Variants in LRTM3 observed in about 807,000 individuals in gnomAD.
LRTM3 encodes the protein leucine rich repeat transmembrane protein 3.
At chr13:102,734,875 G>A in the LRTM3 span, 699 of 1,551,014 alleles carry the variant, frequency 4.5e-4, 5 homozygotes, top group African/African-American at 7.4e-3. Context: ...CTATTTGCAC[G>A]TCATCCTCTT....
chr13:102,750,904 T>A, the LRTM3 span, among the ~76,000 whole-genome samples: 1 of 152,318 alleles, frequency 6.6e-6, no homozygotes, highest in East Asian at 1.9e-4. Context: ...GTACTGATCA[T>A]GGATGATGTG....
the LRTM3 span, chr13:102,733,034 A>G: frequency 1.0e-5 from 16 of 1,551,184 alleles, no homozygotes; most frequent in Non-Finnish European, 8.7e-6. Context: ...TGTCATATCC[A>G]TGTGTATTCC....
the LRTM3 span, chr13:102,742,529 G>T: frequency 6.4e-7 from 1 of 1,550,544 alleles, no homozygotes; most frequent in Non-Finnish European, 8.7e-7. Context: ...GAAAAAAACA[G>T]ATTCTGGATT....
the LRTM3 span, chr13:102,733,882 A>G: frequency 6.4e-7 from 1 of 1,551,260 alleles, no homozygotes; most frequent in Non-Finnish European, 8.7e-7. Flanking sequence ...CGTTTTTATC[A>G]ACGCCTTCAA....
At chr13:102,731,144 T>C in the LRTM3 span, 3 of 1,551,318 alleles carry the variant, frequency 1.9e-6, no homozygotes, top group African/African-American at 4.1e-5. Context: ...ATTTTCTAGC[T>C]TATTAATACT....
chr13:102,737,471 G>T, the LRTM3 span: 1 of 1,550,422 alleles, frequency 6.4e-7, no homozygotes, highest in Non-Finnish European at 8.7e-7. Flanking sequence ...TACTCCATCT[G>T]CTTGCTGTTG....
chr13:102,744,159 G>A, the LRTM3 span: 3 of 1,550,324 alleles, frequency 1.9e-6, no homozygotes, highest in Non-Finnish European at 2.6e-6. Flanking sequence ...TTCTTTCTGT[G>A]GTTTTCTGTA....
the LRTM3 span, among the ~76,000 whole-genome samples, chr13:102,753,102 A>C: frequency 6.6e-6 from 1 of 152,234 alleles, no homozygotes; most frequent in African/African-American, 2.4e-5. Flanking sequence ...CTGGATAAAG[A>C]AAATGTGGCA....
At chr13:102,749,393 TCA>T in the LRTM3 span, 1 of 1,551,412 alleles carries the variant, frequency 6.4e-7, no homozygotes, top group Admixed American at 2.0e-5. Context: ...TGGCATATCT[TCA>T]GTGACTAAAT....
At chr13:102,737,581 A>G in the LRTM3 span, 3 of 1,549,562 alleles carry the variant, frequency 1.9e-6, no homozygotes, top group Admixed American at 3.9e-5. Flanking sequence ...GCTCTTTAGG[A>G]TTCAGTGGTA....
the LRTM3 span, chr13:102,745,847 G>A: frequency 6.4e-7 from 1 of 1,551,160 alleles, no homozygotes; most frequent in South Asian, 1.2e-5. Flanking sequence ...ATCCAGTGTA[G>A]GGCATGAAGT....
chr13:102,735,728 G>A, the LRTM3 span: 1 of 1,549,752 alleles, frequency 6.5e-7, no homozygotes, highest in Non-Finnish European at 8.7e-7. Flanking sequence ...CAGTGACTCA[G>A]TATATGCTTT....
At chr13:102,730,795 C>G in the LRTM3 span, 1 of 1,551,518 alleles carries the variant, frequency 6.4e-7, no homozygotes. Context: ...GCTTAGGGAA[C>G]GTACTTCCAA....
At chr13:102,729,367 T>C in the LRTM3 span, 3 of 1,002,348 alleles carry the variant, frequency 3.0e-6, no homozygotes, top group Non-Finnish European at 4.0e-6. Context: ...GAGGAAGCCA[T>C]TGGATGTTAT....
chr13:102,758,418 T>G, the LRTM3 span: 3 of 1,532,724 alleles, frequency 2.0e-6, no homozygotes, highest in East Asian at 7.4e-5. Context: ...ACCTTTCTCC[T>G]GAAGATGAAT....
At chr13:102,729,675 C>A in the LRTM3 span, 3 of 1,548,788 alleles carry the variant, frequency 1.9e-6, no homozygotes, top group South Asian at 1.2e-5. Flanking sequence ...TGTTTTCTTT[C>A]AGAATAGAAG....
At chr13:102,758,739 G>A in the LRTM3 span, 1 of 1,550,270 alleles carries the variant, frequency 6.5e-7, no homozygotes, top group South Asian at 1.2e-5. Flanking sequence ...AGGAAGTGTG[G>A]GCTTCTTCCA....
chr13:102,732,620 G>A, the LRTM3 span: 1 of 1,551,014 alleles, frequency 6.4e-7, no homozygotes, highest in Non-Finnish European at 8.7e-7. Flanking sequence ...CTCCCTATGA[G>A]TGATGACTTG....
the LRTM3 span, chr13:102,747,086 C>T: frequency 2.5e-5 from 39 of 1,550,728 alleles, no homozygotes; most frequent in Non-Finnish European, 3.4e-5. Flanking sequence ...TTCTTTGACG[C>T]CTTTTACTTC....
Sources: gnomAD v4.1 joint callset for allele counts (sites outside exome capture counted in the v4.1 genomes callset) on GRCh38, gnomAD v4.1.1 for gene constraint, MANE v1.5 for transcripts, NCBI Gene and HGNC (gene_info 2026-07-23, HGNC 2026-07-21) for gene names.